The following ETFA variants were observed in gnomAD, a reference collection of about 807,000 sequenced individuals.
ETFA encodes the protein electron transfer flavoprotein subunit alpha.
ETFA carries 22 observed loss-of-function variants against 46.2 expected under a neutral mutation model. The observed-to-expected ratio is 0.48, with a 90% CI of 0.34 to 0.68. The LOEUF is 0.68. Among genes scored for constraint, ETFA ranks in the 30% least tolerant of loss-of-function variants. The probability of loss-of-function intolerance (pLI) is 0.01; values close to 1 mark genes in which losing one functional copy is unlikely to be tolerated. For missense variants in ETFA, 345 were observed against 401.1 expected, an observed-to-expected ratio of 0.86 and a Z score of 1.19; for synonymous variants, 131 against 139.9, an observed-to-expected ratio of 0.94 and a Z score of 0.45.
intron 9 of ETFA, chr15:76,259,428 G>C (rs1596203827): frequency 9.1e-7 from 1 of 1,104,008 alleles, no homozygotes; most frequent in East Asian, 2.3e-5. Flanking sequence ...GAGTGGGAGT[G>C]TAAGAACGTC....
intron 11 of ETFA, among the ~76,000 whole-genome samples, chr15:76,223,945 T>A (rs2038981275): frequency 6.6e-6 from 1 of 152,208 alleles, no homozygotes; most frequent in South Asian, 2.1e-4. Flanking sequence ...AAAGCCCCCA[T>A]GTGAGTTTTA....
chr15:76,288,301 G>T (rs778088570), intron 4 of ETFA, among the ~76,000 whole-genome samples: 3 of 152,090 alleles, frequency 2.0e-5, no homozygotes, highest in Non-Finnish European at 4.4e-5. Context: ...ATTTAGAAGG[G>T]TGGTAAAATT....
At chr15:76,288,650 T>A (rs2039724163) in intron 4 of ETFA, among the ~76,000 whole-genome samples, 1 of 150,522 alleles carries the variant, frequency 6.6e-6, no homozygotes, top group South Asian at 2.1e-4. Context: ...AGGCGGAGGT[T>A]GCAGTGAGCT....
intron 9 of ETFA, among the ~76,000 whole-genome samples, chr15:76,239,944 T>C (rs1483732180): frequency 2.0e-5 from 3 of 152,196 alleles, no homozygotes; most frequent in Non-Finnish European, 2.9e-5. Flanking sequence ...CACTTGCATG[T>C]CAATTAGAAA....
chr15:76,287,911 A>C lies in ETFA; in HGVS notation c.386T>G (p.Val129Gly). The C allele has an allele frequency of 6.2e-7, 1 of 1,614,074 alleles. No individual in the cohort carries two copies. Among genetic ancestry groups the C allele is most frequent in the Non-Finnish European group, 8.5e-7 (1 of 1,179,966 alleles). ...LLPRVAAKLE[V>G]APISDIIAIK... Reference sequence around the variant, plus strand: ...TGCAATGATGTCAGAAATCGGGGCAACCTCAAGTTTGGCTGCTACTCTGGG... The same window carrying C: ...TGCAATGATGTCAGAAATCGGGGCACCCTCAAGTTTGGCTGCTACTCTGGG... Residue 129 changes from valine (V) to glycine (G), a missense_variant, in exon 5 of 12, where the codon GTT (valine) becomes GGT (glycine). Physicochemically the swap from Val to Gly is moderately radical, Grantham distance 109. Coordinates refer to ENST00000557943, the MANE Select transcript of ETFA (RefSeq NM_000126.4).
chr15:76,258,653 G>T (rs2039371114), intron 9 of ETFA, among the ~76,000 whole-genome samples: 1 of 152,166 alleles, frequency 6.6e-6, no homozygotes, highest in Non-Finnish European at 1.5e-5. Flanking sequence ...AGCCTACAGG[G>T]CTGGACCTGG....
In ETFA at chr15:76,259,933, C is replaced by G. The variant is rs1338466185; in HGVS notation, c.816+14479G>C. The stretch of plus-strand genomic sequence containing the variant: ...TGGGGTGACAGCCTTTAGCCCTGCT[C>G]CAGAGGCTCAGAGGCTTACCCCAAC... On this transcript the variant is annotated intron_variant, in intron 9 of 11. Coordinates refer to ENST00000557943, the MANE Select transcript of ETFA (RefSeq NM_000126.4). 3 of 1,224,066 alleles carry G rather than the reference C, an allele frequency of 2.5e-6. No individual in the cohort carries two copies. The Admixed American group carries it at 5.5e-5, about 22-fold the overall frequency. The allele number at this position is 1,224,066 out of a possible 1,614,324, so 75.8% of individuals were successfully genotyped here.
chr15:76,235,089 T>C (rs546849366), intron 9 of ETFA, among the ~76,000 whole-genome samples: 15 of 152,302 alleles, frequency 9.8e-5, no homozygotes, highest in Admixed American at 8.5e-4. Context: ...CCATGGGCCA[T>C]TCATGTAACC....
chr15:76,294,608 G>A (rs2039799650), intron 2 of ETFA, among the ~76,000 whole-genome samples: 1 of 152,152 alleles, frequency 6.6e-6, no homozygotes, highest in African/African-American at 2.4e-5. Context: ...GGAGTGCAGT[G>A]GTACAATATC....
chr15:76,255,990 G>A lies in ETFA; in HGVS notation c.816+18422C>T, dbSNP rs556456360. 1.6e-4 allele frequency among the ~76,000 whole-genome samples: 24 copies of A among 151,956 alleles called. No homozygotes were observed. In the South Asian group the frequency reaches 4.8e-3, roughly 30 times the overall value. On this transcript the variant is annotated intron_variant, in intron 9 of 11. Coordinates refer to ENST00000557943, the MANE Select transcript of ETFA (RefSeq NM_000126.4). The stretch of plus-strand genomic sequence containing the variant: ...TTATTAACCTTGGCAGAGCACGGTG[G>A]CTCACACCTGTAATCCCAGCACTTT...
At chr15:76,287,716 C>T in intron 5 of ETFA, 130 bp downstream of exon 5, 1 of 694,620 alleles carries the variant, frequency 1.4e-6, no homozygotes, top group Non-Finnish European at 2.5e-6. Flanking sequence ...CTAAAATTTT[C>T]CTCAGAAACC....
intron 9 of ETFA, among the ~76,000 whole-genome samples, chr15:76,237,163 G>A (rs927699419): frequency 2.0e-5 from 3 of 151,982 alleles, no homozygotes; most frequent in Non-Finnish European, 2.9e-5. Flanking sequence ...AGCGATTTTC[G>A]TGCCTCAGCC....
chr15:76,222,664 G>C (rs1186326614), intron 11 of ETFA, among the ~76,000 whole-genome samples: 1 of 152,052 alleles, frequency 6.6e-6, no homozygotes, highest in Non-Finnish European at 1.5e-5. Flanking sequence ...GGGAACAGAA[G>C]CAGGACCCTG....
chr15:76,309,168 G>C (rs1273803326), intron 1 of ETFA, among the ~76,000 whole-genome samples: 3 of 152,154 alleles, frequency 2.0e-5, no homozygotes, highest in Non-Finnish European at 4.4e-5. Context: ...AGCTATTCTA[G>C]GCTGGGCGCG....
At chr15:76,241,964 G>C (rs1238503472) in intron 9 of ETFA, among the ~76,000 whole-genome samples, 2 of 151,542 alleles carry the variant, frequency 1.3e-5, no homozygotes, top group Non-Finnish European at 2.9e-5. Flanking sequence ...AGCCTGCTGA[G>C]TAGCTGGGAC....
chr15:76,273,097 C>T (rs986880457), intron 9 of ETFA, among the ~76,000 whole-genome samples: 1 of 151,900 alleles, frequency 6.6e-6, no homozygotes. Context: ...TTAGAAATCT[C>T]TACTCATCAA....
chr15:76,258,318 C>G (rs781034696), intron 9 of ETFA, among the ~76,000 whole-genome samples: 3 of 152,102 alleles, frequency 2.0e-5, no homozygotes, highest in Non-Finnish European at 4.4e-5. Flanking sequence ...GCTCAGCACG[C>G]TGCCTTTGGA....
chr15:76,271,080 G>A (rs2039525304), intron 9 of ETFA, among the ~76,000 whole-genome samples: 1 of 146,712 alleles, frequency 6.8e-6, no homozygotes, highest in South Asian at 2.1e-4. Context: ...TGAGACATGA[G>A]AATCATTTGC....
chr15:76,293,950 G>A (rs1401420219), intron 2 of ETFA, among the ~76,000 whole-genome samples: 1 of 152,006 alleles, frequency 6.6e-6, no homozygotes, highest in South Asian at 2.1e-4. Context: ...GATAGAAAAT[G>A]GGGCAGAATT....
Sources: allele counts gnomAD v4.1 joint callset (sites outside exome capture counted in the v4.1 genomes callset), GRCh38; gene constraint gnomAD v4.1.1; transcripts MANE v1.5; gene names NCBI Gene and HGNC (gene_info 2026-07-23, HGNC 2026-07-21).